Variants in PPFIBP2 observed in about 807,000 individuals in gnomAD.
PPFIBP2 encodes PPFIB scaffold protein 2, also known as liprin-beta-2.
A neutral mutation model predicts 118.3 loss-of-function variants in PPFIBP2; 118 were observed. The ratio of observed to expected loss-of-function variants is 1.00; its 90% CI spans 0.86 to 1.16. The LOEUF is 1.16. PPFIBP2 is among the 50% of genes most tolerant of loss of function. The pLI is 0.00. For missense variants in PPFIBP2, 1,195 were observed against 1,073.1 expected (o/e 1.11, Z -1.59); for synonymous variants, 414 against 397.4 (o/e 1.04, Z -0.50).
At chr11:7,558,206 G>A (rs1460536194) in intron 2 of PPFIBP2, among the ~76,000 whole-genome samples, 1 of 152,192 alleles carries the variant, frequency 6.6e-6, no homozygotes, top group African/African-American at 2.4e-5. Context: ...CTTGAACACA[G>A]ACTGATTGAG....
intron 1 of PPFIBP2, among the ~76,000 whole-genome samples, chr11:7,531,459 C>G (rs1023335601): frequency 6.6e-6 from 1 of 152,138 alleles, no homozygotes; most frequent in Non-Finnish European, 1.5e-5. Context: ...AGGTGGGATT[C>G]GACTTAGAGC....
intron 13 of PPFIBP2, 38 bp downstream of exon 13, chr11:7,634,590 A>G: frequency 6.4e-7 from 1 of 1,555,386 alleles, no homozygotes; most frequent in East Asian, 2.2e-5. Context: ...TGACTGAGTT[A>G]CTTTTTTGGG....
At chr11:7,583,615 C>G (rs1443438223) in intron 3 of PPFIBP2, among the ~76,000 whole-genome samples, 6 of 152,128 alleles carry the variant, frequency 3.9e-5, no homozygotes, top group Admixed American at 1.3e-4. Flanking sequence ...TTTTATGTGT[C>G]CAGCTACCAG....
intron 6 of PPFIBP2, chr11:7,617,316 A>T (rs1302059286): frequency 1.0e-6 from 1 of 984,906 alleles, no homozygotes; most frequent in Non-Finnish European, 1.2e-6. Context: ...ACTTAAGTAT[A>T]TCAGAGCATG....
At chr11:7,629,596 C>G in intron 10 of PPFIBP2, 62 bp downstream of exon 10, 1 of 1,518,050 alleles carries the variant, frequency 6.6e-7, no homozygotes, top group Non-Finnish European at 9.1e-7. Flanking sequence ...GTGTTAAAGC[C>G]AGGGGCAGTT....
Position 7,641,593 on chromosome 11 carries a change from C to A in PPFIBP2, c.1490C>A (p.Pro497His), listed in dbSNP as rs938871458. 3 of 1,613,992 alleles carry A rather than the reference C, an allele frequency of 1.9e-6. No individual in the cohort carries two copies. The highest frequency in any genetic ancestry group is 2.7e-5 in the African/African-American group (2 of 75,012). ...CTGACACCAGATGGTAAACGGAATC[C>A]CAAAGGCATTAAGAAGTTCTGGGGA... is the stretch of plus-strand genomic sequence containing the variant. Reference protein sequence around the residue: ...SPLTPDGKRNPKGIKKFWGKI... With the variant: ...SPLTPDGKRNHKGIKKFWGKI... The change falls in exon 16 of 24, where the codon CCC becomes CAC. Residue 497 changes from proline to histidine, a missense_variant. Transcript: ENST00000299492.
At chr11:7,527,572 G>A (rs1049343953) in intron 1 of PPFIBP2, among the ~76,000 whole-genome samples, 1 of 152,146 alleles carries the variant, frequency 6.6e-6, no homozygotes, top group Non-Finnish European at 1.5e-5. Flanking sequence ...TGACTGAATG[G>A]AACTTAAGAA....
At chr11:7,541,398 A>T (rs947392395) in intron 1 of PPFIBP2, among the ~76,000 whole-genome samples, 1 of 152,178 alleles carries the variant, frequency 6.6e-6, no homozygotes, top group Non-Finnish European at 1.5e-5. Flanking sequence ...TGAGCAGATG[A>T]GATCACCAGT....
chr11:7,639,813 A>G lies in PPFIBP2; in HGVS notation c.1318A>G (p.Lys440Glu), dbSNP rs1469461660. The stretch of plus-strand genomic sequence containing the variant: ...AGCCACGCCCAATGGAGAGGCTGCC[A>G]AATCTCCTCCCACCATCTGCCAGCC... ...SGATPNGEAA[K>E]SPPTICQPDA... is the part of the protein sequence containing the mutation. The change falls in exon 15 of 24, where the codon AAA becomes GAA. Residue 440 changes from lysine to glutamate, a missense_variant. By Grantham distance (56) the Lys-to-Glu change is moderately conservative. Transcript: ENST00000299492. 9 of 1,613,622 alleles carry G rather than the reference A, an allele frequency of 5.6e-6. No individual in the cohort carries two copies. Among genetic ancestry groups the G allele is most frequent in the Non-Finnish European group, 6.8e-6 (8 of 1,179,836 alleles).
intron 22 of PPFIBP2, 139 bp downstream of exon 22, chr11:7,651,104 A>G (rs1263037622): frequency 1.1e-6 from 1 of 905,394 alleles, no homozygotes; most frequent in Non-Finnish European, 1.6e-6. Context: ...TTGATGTCTC[A>G]AAGTATTTTG....
chr11:7,587,556 T>C (rs1282468324), intron 3 of PPFIBP2, among the ~76,000 whole-genome samples: 1 of 152,264 alleles, frequency 6.6e-6, no homozygotes, highest in African/African-American at 2.4e-5. Context: ...GGCTGGAATA[T>C]ATCTCTGCCT....
intron 11 of PPFIBP2, 68 bp from the exon 12 acceptor site, chr11:7,632,798 AG>A: frequency 8.1e-7 from 1 of 1,236,640 alleles, no homozygotes; most frequent in Non-Finnish European, 1.2e-6. Flanking sequence ...CATGTGAAGC[AG>A]GGGGAAAGAT....
intron 1 of PPFIBP2, among the ~76,000 whole-genome samples, chr11:7,533,147 A>T (rs1850897453): frequency 6.6e-6 from 1 of 152,152 alleles, no homozygotes; most frequent in Non-Finnish European, 1.5e-5. Context: ...TCCTTCAGGA[A>T]TACAATTGCA....
intron 16 of PPFIBP2, 156 bp from the exon 17 acceptor site, chr11:7,642,142 G>A (rs1435736558): frequency 9.4e-6 from 8 of 854,026 alleles, no homozygotes; most frequent in South Asian, 1.9e-5. Context: ...AAGGAGCTGC[G>A]ACAGGTTGTG....
At chr11:7,665,495 A>G in the PPFIBP2 span, 6 of 1,613,902 alleles carry the variant, frequency 3.7e-6, no homozygotes, top group Non-Finnish European at 5.1e-6. Flanking sequence ...TGGAGGAGGA[A>G]GGTGCTCCTT....
At chr11:7,630,287 C>T (rs1016659788) in intron 10 of PPFIBP2, among the ~76,000 whole-genome samples, 31 of 152,234 alleles carry the variant, frequency 2.0e-4, no homozygotes, top group African/African-American at 7.5e-4. Context: ...TGGCCAGGGC[C>T]TCTGCCAGCC....
At chr11:7,561,182 C>T (rs1355901867) in intron 2 of PPFIBP2, among the ~76,000 whole-genome samples, 1 of 152,214 alleles carries the variant, frequency 6.6e-6, no homozygotes, top group Non-Finnish European at 1.5e-5. Flanking sequence ...ATTTTTCTGC[C>T]TCAGCCTTAA....
intron 5 of PPFIBP2, among the ~76,000 whole-genome samples, chr11:7,599,202 G>T (rs1369121995): frequency 1.3e-5 from 2 of 151,902 alleles, no homozygotes; most frequent in African/African-American, 4.8e-5. Flanking sequence ...AAAGAGTGCA[G>T]AAAACAACCT....
At chr11:7,585,731 C>G (rs1252393949) in intron 3 of PPFIBP2, among the ~76,000 whole-genome samples, 1 of 152,154 alleles carries the variant, frequency 6.6e-6, no homozygotes. Flanking sequence ...AAGGGCTAGG[C>G]CAGGAGAGAG....
Sources: gnomAD v4.1 joint callset for allele counts (sites outside exome capture counted in the v4.1 genomes callset) on GRCh38, gnomAD v4.1.1 for gene constraint, MANE v1.5 for transcripts, NCBI Gene and HGNC (gene_info 2026-07-23, HGNC 2026-07-21) for gene names.